Variants in REL observed in about 807,000 individuals in gnomAD.
REL encodes the protein proto-oncogene c-Rel.
A neutral mutation model predicts 45.9 loss-of-function variants in REL; 15 were observed. The observed-to-expected ratio is 0.33, with a 90% CI of 0.22 to 0.50. REL has a LOEUF of 0.50. Among genes scored for constraint, REL ranks in the 20% least tolerant of loss-of-function variants. REL has a pLI of 0.98. For synonymous variants in REL, 239 were observed against 242.1 expected (o/e 0.99, Z 0.12); for missense variants, 601 against 715.2 (o/e 0.84, Z 1.82).
Position 60,910,689 on chromosome 2 carries a change from TG to T in REL, c.395-6183del, listed in dbSNP as rs1478043894. 2.0e-5 allele frequency among the ~76,000 whole-genome samples: 3 copies of T among 152,100 alleles called. No homozygotes were observed. In the East Asian group the frequency reaches 5.8e-4, roughly 29 times the overall value. On this transcript the variant is annotated intron_variant, in intron 4 of 9. Transcript: ENST00000394479. ...CCACTCACACCTGTAATCCCAACAC[TG>T]GGGGCCCAAGGTGGGTGGATCACTT...
intron 8 of REL, 32 bp downstream of exon 8, chr2:60,920,141 A>G (rs775729330): frequency 4.2e-6 from 6 of 1,440,372 alleles, no homozygotes; most frequent in South Asian, 3.7e-5. Context: ...TCATATTTAA[A>G]TAGGTTTTGT....
intron 4 of REL, among the ~76,000 whole-genome samples, chr2:60,916,555 C>T (rs983738979): frequency 6.6e-6 from 1 of 152,156 alleles, no homozygotes; most frequent in Admixed American, 6.5e-5. Context: ...GGGTAAATGC[C>T]ATTCTTTGTT....
intron 2 of REL, among the ~76,000 whole-genome samples, chr2:60,893,613 A>G (rs1239742587): frequency 6.6e-6 from 1 of 152,174 alleles, no homozygotes; most frequent in Non-Finnish European, 1.5e-5. Context: ...TCTCTTTCAT[A>G]CAGAAAGAAA....
Position 60,931,335 on chromosome 2 carries a change from A to G in REL, c.*8800A>G, listed in dbSNP as rs1558833333. On this transcript the variant is annotated 3_prime_UTR_variant, in exon 10 of 10. Transcript: ENST00000394479. ...TGTACTTAAAATACCTTTGGCTGTG[A>G]TGAATGTAGATCCCAGCAGAATACC... is the stretch of plus-strand genomic sequence containing the variant. 6.6e-6 allele frequency: 1 copy of G among 152,350 alleles called. No individual in the cohort carries two copies. Among genetic ancestry groups the G allele is most frequent in the East Asian group, 1.9e-4 (1 of 5,336 alleles). 9.4% of individuals were successfully genotyped at this position (152,350 alleles called of 1,614,324 possible). A position where few individuals can be genotyped will look rare whatever the true frequency, so the allele number is the denominator to read the frequency against.
intron 4 of REL, among the ~76,000 whole-genome samples, chr2:60,915,412 G>C (rs1673937466): frequency 6.6e-6 from 1 of 152,158 alleles, no homozygotes; most frequent in South Asian, 2.1e-4. Flanking sequence ...ACAAGTGTTG[G>C]TATCATAACA....
chr2:60,915,795 C>G (rs1389351844), intron 4 of REL, among the ~76,000 whole-genome samples: 1 of 152,122 alleles, frequency 6.6e-6, no homozygotes, highest in Non-Finnish European at 1.5e-5. Context: ...ACTAATTTAA[C>G]AAACTATTAT....
rs954002113 is a variant in REL, at chr2:60,894,644, T to G, written c.302+99T>G. 3 of 936,280 alleles carry G rather than the reference T, an allele frequency of 3.2e-6. No individual in the cohort carries two copies. The African/African-American group carries it at 5.1e-5, about 16-fold the overall frequency. The allele number at this position is 936,280 out of a possible 1,614,324, so 58.0% of individuals were successfully genotyped here. On this transcript the variant is annotated intron_variant, in intron 3 of 9. Transcript: ENST00000394479. ...CTGTTACTTTTTAGCAGAATAATTTTCTCATTCTACTTCTATTTACTGTAT... is the reference window on the plus strand; with the variant it reads ...CTGTTACTTTTTAGCAGAATAATTTGCTCATTCTACTTCTATTTACTGTAT...
At chr2:60,905,170 C>A (rs1656159930) in intron 4 of REL, among the ~76,000 whole-genome samples, 1 of 152,226 alleles carries the variant, frequency 6.6e-6, no homozygotes. Context: ...TCTCGGCTCA[C>A]TGCAAGCTCC....
chr2:60,910,482 C>CA (rs11311284), intron 4 of REL, among the ~76,000 whole-genome samples: 12 of 138,348 alleles, frequency 8.7e-5, no homozygotes, highest in East Asian at 4.3e-4. Flanking sequence ...AAACAAAAAA[C>CA]AAAAAAAAAA....
At chr2:60,913,691 G>A (rs897265571) in intron 4 of REL, among the ~76,000 whole-genome samples, 3 of 152,092 alleles carry the variant, frequency 2.0e-5, no homozygotes, top group Admixed American at 6.5e-5. Context: ...TCAGATAAAA[G>A]TGGCCTCTCA....
Position 60,924,870 on chromosome 2 carries a change from G to A in REL, c.*2335G>A. On this transcript the variant is annotated 3_prime_UTR_variant, in exon 10 of 10. Transcript: ENST00000394479. ...TTCTCAGTGTTTCCTAGTTGTTTCT[G>A]CATACTTTATGTGAGTTGTTATAGC... The A allele has an allele frequency of 4.7e-6, 1 of 212,920 alleles. No homozygotes were observed. The highest frequency in any genetic ancestry group is 9.5e-6 in the Non-Finnish European group (1 of 105,018). 13.2% of individuals were successfully genotyped at this position (212,920 alleles called of 1,614,324 possible). A position where few individuals can be genotyped will look rare whatever the true frequency, so the allele number is the denominator to read the frequency against.
chr2:60,923,898 A>C lies in REL; in HGVS notation c.*1363A>C. The C allele has an allele frequency of 4.3e-6, 1 of 232,896 alleles. No homozygotes were observed. Among genetic ancestry groups the C allele is most frequent in the Non-Finnish European group, 8.5e-6 (1 of 117,812 alleles). 14.4% of individuals were successfully genotyped at this position (232,896 alleles called of 1,614,324 possible). ...ACCATTCATCTGCTCAAAACCATTC[A>C]TTGGCTTCTCATCTCACTCAGAGCA... On this transcript the variant is annotated 3_prime_UTR_variant, in exon 10 of 10. Transcript: ENST00000394479.
In REL at chr2:60,901,026, A is replaced by G; in HGVS notation, c.337A>G (p.Lys113Glu). ...QNLGIRCVKK[K>E]EVKEAIITRI... ...TTTGGGTATTCGATGTGTGAAGAAA[A>G]AAGAAGTAAAAGAAGCTATTATTAC... Residue 113 changes from lysine to glutamate, a missense_variant, in exon 4 of 10, where the codon AAA becomes GAA. Physicochemically the swap from Lys to Glu is moderately conservative, Grantham distance 56. Around this residue, in one of 4 missense-constraint regions of REL, gnomAD observed 241 missense variants for 347.0 expected, o/e 0.69. Coordinates refer to ENST00000394479, the MANE Select transcript of REL (RefSeq NM_001291746.2). The G allele has an allele frequency of 6.2e-7, 1 of 1,611,080 alleles. No homozygotes were observed. Among genetic ancestry groups the G allele is most frequent in the Non-Finnish European group, 8.5e-7 (1 of 1,179,154 alleles).
intron 4 of REL, among the ~76,000 whole-genome samples, chr2:60,910,925 C>G (rs1673796407): frequency 6.6e-6 from 1 of 152,166 alleles, no homozygotes. Context: ...GAGTGAGACT[C>G]TGTCTCAAAC....
intron 1 of REL, 79 bp from the exon 2 acceptor site, chr2:60,891,603 TA>T (rs1267312629): frequency 5.7e-5 from 71 of 1,240,082 alleles, no homozygotes; most frequent in Non-Finnish European, 6.8e-5. Context: ...TCTGCTGTTA[TA>T]AAAAAAACAG....
intron 4 of REL, among the ~76,000 whole-genome samples, chr2:60,904,296 G>T (rs1673577570): frequency 6.6e-6 from 1 of 151,950 alleles, no homozygotes; most frequent in African/African-American, 2.4e-5. Context: ...CAGCTACTTG[G>T]GAGGCTGAAG....
chr2:60,895,398 C>A (rs842643), intron 3 of REL, among the ~76,000 whole-genome samples: 9,157 of 151,994 alleles, frequency 0.06, 389 homozygotes, highest in Middle Eastern at 0.13. Context: ...CGAGGGTGGT[C>A]TTGAACTCCT....
chr2:60,909,661 G>A lies in REL; in HGVS notation c.395-7216G>A, dbSNP rs557198490. Among the ~76,000 whole-genome samples, 7 of 152,284 alleles carry A rather than the reference G, an allele frequency of 4.6e-5. No homozygotes were observed. The East Asian group carries it at 1.2e-3, about 25-fold the overall frequency. On this transcript the variant is annotated intron_variant, in intron 4 of 9. Coordinates refer to ENST00000394479, the MANE Select transcript of REL (RefSeq NM_001291746.2). ...CTCACGCCTGTAATCCCAGCACTTT[G>A]GGAGGCCGAGATGGGCGGATCACGA...
In REL at chr2:60,925,779, G is replaced by T. The variant is rs1466732087; in HGVS notation, c.*3244G>T. 4.8e-6 allele frequency: 1 copy of T among 207,112 alleles called. No individual in the cohort carries two copies. The highest frequency in any genetic ancestry group is 9.9e-6 in the Non-Finnish European group (1 of 101,382). 12.8% of individuals were successfully genotyped at this position (207,112 alleles called of 1,614,324 possible). On this transcript the variant is annotated 3_prime_UTR_variant, in exon 10 of 10. Transcript: ENST00000394479. The stretch of plus-strand genomic sequence containing the variant: ...TTAAACACTGACTGTTAGAATAGCT[G>T]CATGGGTTTTTTTCTTTAAACTAAT...
Sources: gnomAD v4.1 joint callset for allele counts (sites outside exome capture counted in the v4.1 genomes callset) on GRCh38, gnomAD v4.1.1 for gene constraint, gnomAD v4.1.1 regional missense constraint, MANE v1.5 for transcripts, NCBI Gene and HGNC (gene_info 2026-07-23, HGNC 2026-07-21) for gene names.